Variants in RASGEF1A observed in about 807,000 individuals in gnomAD.
The protein encoded by RASGEF1A is ras-GEF domain-containing family member 1A.
A neutral mutation model predicts 56.4 loss-of-function variants in RASGEF1A; 18 were observed. The ratio of observed to expected loss-of-function variants is 0.32; its 90% CI spans 0.22 to 0.47. RASGEF1A has a LOEUF of 0.47. Among genes scored for constraint, RASGEF1A ranks in the 20% least tolerant of loss-of-function variants. The pLI is 1.00. For missense variants in RASGEF1A, 422 were observed against 627.1 expected, an observed-to-expected ratio of 0.67 and a Z score of 3.49; for synonymous variants, 245 against 242.6, an observed-to-expected ratio of 1.01 and a Z score of -0.09.
Position 43,247,759 on chromosome 10 carries a change from AGG to A in RASGEF1A, c.-7+19084_-7+19085del, listed in dbSNP as rs1840582651. 2.6e-5 allele frequency among the ~76,000 whole-genome samples: 4 copies of A among 152,178 alleles called. No homozygotes were observed. In the South Asian group the frequency reaches 8.3e-4, roughly 32 times the overall value. Reference sequence around the variant, plus strand: ...GGTGGGTTGGGGAAGGGGCAGTTTGAGGGATAATTAAGAAGTTCTGGGCTGGG... The same window carrying A: ...GGTGGGTTGGGGAAGGGGCAGTTTGAGATAATTAAGAAGTTCTGGGCTGGG... On this transcript the variant is annotated intron_variant, in intron 1 of 12. Transcript: ENST00000395810.
At chr10:43,261,381 G>A (rs1257608426) in intron 1 of RASGEF1A, among the ~76,000 whole-genome samples, 1 of 152,204 alleles carries the variant, frequency 6.6e-6, no homozygotes, top group Non-Finnish European at 1.5e-5. Context: ...CCCCGTAGCG[G>A]GGCTGAGCAG....
chr10:43,215,170 G>A (rs1840118678), intron 1 of RASGEF1A, among the ~76,000 whole-genome samples: 1 of 152,156 alleles, frequency 6.6e-6, no homozygotes, highest in South Asian at 2.1e-4. Context: ...CCAGCTTCCT[G>A]GAAAACTGGG....
intron 1 of RASGEF1A, among the ~76,000 whole-genome samples, chr10:43,253,095 C>T (rs1284101454): frequency 6.6e-6 from 1 of 152,214 alleles, no homozygotes; most frequent in African/African-American, 2.4e-5. Flanking sequence ...GGAGGGCCCA[C>T]AGGCGGGGGT....
chr10:43,198,347 G>T, intron 9 of RASGEF1A, 152 bp from the exon 10 acceptor site: 2 of 642,262 alleles, frequency 3.1e-6, no homozygotes, highest in Non-Finnish European at 2.5e-6. Flanking sequence ...GGACGCCCAA[G>T]GGTGCCTGGC....
intron 1 of RASGEF1A, chr10:43,207,853 G>T: frequency 1.9e-6 from 1 of 518,266 alleles, no homozygotes; most frequent in Non-Finnish European, 2.5e-6. Flanking sequence ...TTCAGATGGT[G>T]AAACTGAGGC....
chr10:43,251,663 C>A (rs1260276884), intron 1 of RASGEF1A, among the ~76,000 whole-genome samples: 1 of 152,198 alleles, frequency 6.6e-6, no homozygotes, highest in African/African-American at 2.4e-5. Context: ...GAGCCCTGAG[C>A]AGACTGCGAA....
At chr10:43,255,651 G>A (rs1354557789) in intron 1 of RASGEF1A, among the ~76,000 whole-genome samples, 4 of 152,372 alleles carry the variant, frequency 2.6e-5, no homozygotes, top group Middle Eastern at 3.4e-3. Context: ...GCCAGAAACC[G>A]GAAGTGTCTG....
chr10:43,232,319 C>T (rs530767631), intron 1 of RASGEF1A, among the ~76,000 whole-genome samples: 34 of 152,280 alleles, frequency 2.2e-4, no homozygotes, highest in African/African-American at 8.2e-4. Context: ...TCCCCCTTCT[C>T]TCTCTTGCTC....
chr10:43,197,937 A>C, intron 10 of RASGEF1A, 67 bp downstream of exon 10: 1 of 1,402,836 alleles, frequency 7.1e-7, no homozygotes, highest in Admixed American at 1.9e-5. Flanking sequence ...ACCCAGGGCT[A>C]ATGCCTGGCG....
intron 3 of RASGEF1A, chr10:43,202,583 T>A (rs1379885060): frequency 1.1e-5 from 5 of 461,052 alleles, no homozygotes; most frequent in African/African-American, 4.1e-5. Context: ...AAGCCCCTCC[T>A]GCGCCAGCCA....
chr10:43,232,136 C>T (rs1840378018), intron 1 of RASGEF1A, among the ~76,000 whole-genome samples: 1 of 152,218 alleles, frequency 6.6e-6, no homozygotes, highest in Non-Finnish European at 1.5e-5. Context: ...GGGTTTGTGT[C>T]CCCACCCAAA....
chr10:43,208,864 C>T, intron 1 of RASGEF1A: 4 of 985,616 alleles, frequency 4.1e-6, no homozygotes, highest in Non-Finnish European at 4.8e-6. Context: ...ATGGCTTTTC[C>T]CGGGCAGGAA....
intron 1 of RASGEF1A, among the ~76,000 whole-genome samples, chr10:43,265,179 A>C (rs1257904111): frequency 6.6e-6 from 1 of 152,170 alleles, no homozygotes. Context: ...AAGTTACACC[A>C]AAAAACCCCT....
Position 43,196,958 on chromosome 10 carries a change from T to C in RASGEF1A, c.1348+18A>G, listed in dbSNP as rs1373394388. On this transcript the variant is annotated intron_variant, in intron 11 of 12. Transcript: ENST00000395810. This position sits in a 1 kb window ranked among gnomAD's most constrained non-coding sequence, Gnocchi z 4.6. Reference sequence around the variant, plus strand: ...CAGGTGGGGTGGGAGGCATGCTGCGTTGGGAGGCAGCCCTCACCTTCCTCG... The same window carrying C: ...CAGGTGGGGTGGGAGGCATGCTGCGCTGGGAGGCAGCCCTCACCTTCCTCG... 3.7e-6 allele frequency: 6 copies of C among 1,611,798 alleles called. No homozygotes were observed. Among genetic ancestry groups the C allele is most frequent in the African/African-American group, 2.7e-5 (2 of 74,878 alleles).
rs542849059 is a variant in RASGEF1A, at chr10:43,258,938, G to T, written c.-7+7907C>A. On this transcript the variant is annotated intron_variant, in intron 1 of 12. Transcript: ENST00000395810. ...AGCAGGGGCTGATGTGCAGGCCCCA[G>T]ACTCCCCGGCCAGTGCTCCCCACCC... 1.2e-4 allele frequency among the ~76,000 whole-genome samples: 19 copies of T among 152,350 alleles called. No homozygotes were observed. The East Asian group carries it at 1.7e-3, about 14-fold the overall frequency.
chr10:43,230,694 C>T (rs1331965607), intron 1 of RASGEF1A, among the ~76,000 whole-genome samples: 1 of 152,180 alleles, frequency 6.6e-6, no homozygotes, highest in African/African-American at 2.4e-5. Context: ...GATGGACAAT[C>T]GTGACCCTGA....
chr10:43,209,904 G>A (rs574716757), intron 1 of RASGEF1A, among the ~76,000 whole-genome samples: 2 of 152,314 alleles, frequency 1.3e-5, no homozygotes, highest in South Asian at 4.1e-4. Flanking sequence ...ACTGGTGGGA[G>A]TGGGCCCAGT....
At chr10:43,259,970 C>T (rs1836497026) in intron 1 of RASGEF1A, among the ~76,000 whole-genome samples, 1 of 152,192 alleles carries the variant, frequency 6.6e-6, no homozygotes, top group African/African-American at 2.4e-5. Flanking sequence ...CAGAGAACCA[C>T]ACCACCTGCT....
At chr10:43,202,740 A>G (rs1419480981) in intron 3 of RASGEF1A, 1 of 464,182 alleles carries the variant, frequency 2.2e-6, no homozygotes, top group Non-Finnish European at 4.4e-6. Context: ...TTGCCAGCCT[A>G]GGCCCCCCAC....
Sources: gnomAD v4.1 joint callset for allele counts (sites outside exome capture counted in the v4.1 genomes callset) on GRCh38, gnomAD v4.1.1 for gene constraint, Gnocchi (gnomAD v3.1) non-coding constraint, MANE v1.5 for transcripts, NCBI Gene and HGNC (gene_info 2026-07-23, HGNC 2026-07-21) for gene names.